Variants in ALG6 observed in about 807,000 individuals in gnomAD.
ALG6 encodes dolichyl pyrophosphate Man9GlcNAc2 alpha-1,3-glucosyltransferase.
Under a neutral mutation model 66.6 loss-of-function variants are expected in ALG6, and 46 were observed. The observed-to-expected ratio is 0.69, with a 90% CI of 0.55 to 0.88. The LOEUF is 0.88. Among genes scored for constraint, ALG6 ranks in the 40% least tolerant of loss-of-function variants. The pLI is 0.00. For synonymous variants in ALG6, 185 were observed against 203.7 expected (o/e 0.91, Z 0.78); for missense variants, 505 against 586.8 (o/e 0.86, Z 1.44).
At chr1:63,400,674 A>G (rs949389232) in intron 3 of ALG6, among the ~76,000 whole-genome samples, 4 of 151,972 alleles carry the variant, frequency 2.6e-5, no homozygotes, top group Non-Finnish European at 5.9e-5. Flanking sequence ...GGTTTTGTCT[A>G]TTTTCAGAAG....
chr1:63,380,101 G>T (rs1648256045), intron 2 of ALG6, among the ~76,000 whole-genome samples: 2 of 152,176 alleles, frequency 1.3e-5, no homozygotes, highest in South Asian at 4.1e-4. Flanking sequence ...AGACTGAGAA[G>T]AAACTGTGTA....
At chr1:63,424,045 T>A (rs1455657988) in intron 12 of ALG6, among the ~76,000 whole-genome samples, 1 of 152,238 alleles carries the variant, frequency 6.6e-6, no homozygotes, top group African/African-American at 2.4e-5. Context: ...TGATTCTGAT[T>A]TGCATATCCC....
chr1:63,409,352 G>A lies in ALG6; in HGVS notation c.495-1794G>A, dbSNP rs192654855. Among the ~76,000 whole-genome samples the A allele has an allele frequency of 3.0e-4, 45 of 152,052 alleles. No individual in the cohort carries two copies. In the East Asian group the frequency reaches 8.1e-3, roughly 27 times the overall value. On this transcript the variant is annotated intron_variant, in intron 7 of 14. Coordinates refer to ENST00000263440, the MANE Select transcript of ALG6 (RefSeq NM_013339.4). ...GTTTTGGATATCCAAACCGTATATG[G>A]GTCCATACGTTTTGAAGACTCATGT... is the stretch of plus-strand genomic sequence containing the variant.
intron 10 of ALG6, 52 bp from the exon 11 acceptor site, chr1:63,415,821 G>T: frequency 8.3e-7 from 1 of 1,206,612 alleles, no homozygotes; most frequent in Non-Finnish European, 1.2e-6. Flanking sequence ...ATTTAAGCTA[G>T]ATTTATACCT....
At chr1:63,420,101 T>C (rs1295013374) in intron 12 of ALG6, among the ~76,000 whole-genome samples, 1 of 152,200 alleles carries the variant, frequency 6.6e-6, no homozygotes, top group Non-Finnish European at 1.5e-5. Context: ...AAGATACATG[T>C]ACAGAATGAC....
chr1:63,410,494 A>G (rs1005160516), intron 7 of ALG6, among the ~76,000 whole-genome samples: 2 of 152,050 alleles, frequency 1.3e-5, no homozygotes, highest in African/African-American at 4.8e-5. Flanking sequence ...GGCTCAAGCA[A>G]TCTTCCTGCC....
chr1:63,422,242 T>A (rs1481697278), intron 12 of ALG6, among the ~76,000 whole-genome samples: 3 of 116,678 alleles, frequency 2.6e-5, no homozygotes, highest in South Asian at 4.6e-4. Context: ...AATATATATA[T>A]AAATATATAT....
chr1:63,423,955 C>G (rs1234062150), intron 12 of ALG6, among the ~76,000 whole-genome samples: 1 of 152,206 alleles, frequency 6.6e-6, no homozygotes, highest in Non-Finnish European at 1.5e-5. Context: ...GCTTCAATTT[C>G]TCCATATCCT....
At chr1:63,386,325 G>T (rs1648503069) in intron 2 of ALG6, among the ~76,000 whole-genome samples, 1 of 151,778 alleles carries the variant, frequency 6.6e-6, no homozygotes, top group South Asian at 2.1e-4. Context: ...AGGAGTACTG[G>T]GCTCGTAGAA....
intron 12 of ALG6, among the ~76,000 whole-genome samples, chr1:63,426,906 A>T (rs1644617907): frequency 6.6e-6 from 1 of 152,138 alleles, no homozygotes; most frequent in Non-Finnish European, 1.5e-5. Context: ...AATGGGAAAG[A>T]ATTAAACCAG....
intron 2 of ALG6, among the ~76,000 whole-genome samples, chr1:63,383,361 G>A (rs1648394120): frequency 6.6e-6 from 1 of 150,650 alleles, no homozygotes; most frequent in Admixed American, 6.6e-5. Flanking sequence ...CTGGCGATCT[G>A]CCCACCTTGG....
intron 12 of ALG6, among the ~76,000 whole-genome samples, chr1:63,421,972 A>T (rs188950692): frequency 2.8e-4 from 41 of 148,500 alleles, no homozygotes; most frequent in Non-Finnish European, 5.0e-4. Context: ...TACCTATGTA[A>T]CAAACCTGCA....
chr1:63,422,523 G>T (rs1644593311), intron 12 of ALG6, among the ~76,000 whole-genome samples: 1 of 145,056 alleles, frequency 6.9e-6, no homozygotes, highest in Admixed American at 7.2e-5. Flanking sequence ...GTGGTAAGTT[G>T]CATCAGATGC....
chr1:63,411,393 T>C (rs1644515386), intron 8 of ALG6, 62 bp downstream of exon 8: 1 of 1,458,506 alleles, frequency 6.9e-7, no homozygotes, highest in Admixed American at 1.9e-5. Flanking sequence ...TTGGCATACT[T>C]ACTTGCAGTA....
intron 3 of ALG6, among the ~76,000 whole-genome samples, chr1:63,400,639 C>G (rs991323709): frequency 1.3e-5 from 2 of 151,760 alleles, no homozygotes; most frequent in African/African-American, 4.8e-5. Context: ...CAGTGGATCT[C>G]AAGGTTAAAC....
chr1:63,369,728 T>C (rs1051340936), intron 1 of ALG6, among the ~76,000 whole-genome samples: 4 of 152,332 alleles, frequency 2.6e-5, no homozygotes, highest in Admixed American at 1.3e-4. Context: ...TTTATTATAT[T>C]TTCTGAATAT....
At chr1:63,371,644 G>A (rs368184391) in intron 2 of ALG6, among the ~76,000 whole-genome samples, 3 of 151,770 alleles carry the variant, frequency 2.0e-5, no homozygotes, top group Non-Finnish European at 4.4e-5. Flanking sequence ...TCGCTGTGTC[G>A]CCCAGGCTGG....
At chr1:63,393,375 C>T (rs10789138) in intron 2 of ALG6, among the ~76,000 whole-genome samples, 115,309 of 152,150 alleles carry the variant, frequency 0.76, 44,287 homozygotes, top group African/African-American at 0.87. Context: ...AATGTTTTCT[C>T]TGGACACTGG....
rs147656204 is a variant in ALG6 at position 63,428,822 on chromosome 1, T to A, written c.1127+21T>A. The A allele has an allele frequency of 3.8e-4, 601 of 1,593,070 alleles. 4 individuals carry two copies. In the African/African-American group the frequency reaches 7.6e-3, roughly 20 times the overall value. On this transcript the variant is annotated intron_variant, in intron 13 of 14. Coordinates refer to ENST00000263440, the MANE Select transcript of ALG6 (RefSeq NM_013339.4). ...TTTAGGTAAGTCATATCAATTTCCA[T>A]ATATTTTCAGTATAATTCTTGTAAA...
Sources: allele counts gnomAD v4.1 joint callset (sites outside exome capture counted in the v4.1 genomes callset), GRCh38; gene constraint gnomAD v4.1.1; transcripts MANE v1.5; gene names NCBI Gene and HGNC (gene_info 2026-07-23, HGNC 2026-07-21).